The following ZNF827 variants were observed in gnomAD, a reference collection of about 807,000 sequenced individuals.
ZNF827 encodes the protein zinc finger protein 827.
ZNF827 carries 13 observed loss-of-function variants against 102.4 expected under a neutral mutation model. The ratio of observed to expected loss-of-function variants is 0.13; its 90% CI spans 0.08 to 0.20. The LOEUF is 0.20. Ranked by LOEUF, ZNF827 falls within the 10% of genes least tolerant of loss-of-function variation. The pLI, the probability that ZNF827 is intolerant of heterozygous loss-of-function variation, is 1.00. For missense variants in ZNF827, 1,103 were observed against 1,344.4 expected, an observed-to-expected ratio of 0.82 and a Z score of 2.81; for synonymous variants, 523 against 536.2, an observed-to-expected ratio of 0.98 and a Z score of 0.34.
chr4:145,909,590 G>A (rs1432292501), intron 1 of ZNF827, among the ~76,000 whole-genome samples: 3 of 152,206 alleles, frequency 2.0e-5, no homozygotes, highest in African/African-American at 7.2e-5. Context: ...CTGAAGCCAG[G>A]GGGCGGGTTC....
intron 11 of ZNF827, among the ~76,000 whole-genome samples, chr4:145,773,904 A>G (rs1305575568): frequency 6.6e-6 from 1 of 152,160 alleles, no homozygotes; most frequent in Non-Finnish European, 1.5e-5. Context: ...AGAAAGGTTC[A>G]AAGCTCTGCC....
At chr4:145,845,889 T>C in intron 7 of ZNF827, 67 bp downstream of exon 7, 1 of 1,541,228 alleles carries the variant, frequency 6.5e-7, no homozygotes, top group South Asian at 1.1e-5. Context: ...GGAGCAACGT[T>C]CAACATGTAG....
chr4:145,768,641 A>C (rs921260302), intron 11 of ZNF827, among the ~76,000 whole-genome samples: 3 of 151,284 alleles, frequency 2.0e-5, no homozygotes, highest in African/African-American at 4.9e-5. Flanking sequence ...ATTATCTTCA[A>C]ATCAGTTCAT....
chr4:145,874,565 C>T (rs189995551), intron 4 of ZNF827, among the ~76,000 whole-genome samples: 11 of 152,168 alleles, frequency 7.2e-5, no homozygotes, highest in African/African-American at 2.4e-4. Context: ...TCCCACTTTA[C>T]AAAAAAACCC....
rs1751549589 is a variant in ZNF827, at chr4:145,902,974, C to T, written c.285G>A (p.Leu95=). The change falls in exon 2 of 15, where the codon CTG becomes CTA. Residue 95 remains leucine, a synonymous_variant. Coordinates refer to ENST00000508784, the MANE Select transcript of ZNF827 (RefSeq NM_001306215.2). This position sits in a 1 kb window ranked among gnomAD's most constrained non-coding sequence, Gnocchi z 4.3. ...ALDSEVLRDS[L]QCQDHLSPGV... ...CCGGGGAAAGGTGATCTTGACACTG[C>T]AGTGAGTCTCGCAGGACCTCACTGT... 1.2e-6 allele frequency: 2 copies of T among 1,614,158 alleles called. No individual in the cohort carries two copies. The highest frequency in any genetic ancestry group is 1.7e-6 in the Non-Finnish European group (2 of 1,180,034).
chr4:145,821,067 G>A (rs1743095531), intron 8 of ZNF827, among the ~76,000 whole-genome samples: 1 of 152,122 alleles, frequency 6.6e-6, no homozygotes, highest in Non-Finnish European at 1.5e-5. Flanking sequence ...ATCACAATAT[G>A]GTGCATAAAA....
chr4:145,875,726 G>A (rs1222084586), intron 4 of ZNF827, among the ~76,000 whole-genome samples: 1 of 152,110 alleles, frequency 6.6e-6, no homozygotes, highest in Non-Finnish European at 1.5e-5. Context: ...ATGCTGAACT[G>A]CTCTGTGAAA....
Position 145,761,595 on chromosome 4 carries a change from G to A in ZNF827, c.*21C>T, listed in dbSNP as rs1734503675. ...GGTTGGTGGAATAAATGCAGAATGGGCACCTGCCGGGGAAAGCAACGCAAG... is the reference window on the plus strand; with the variant it reads ...GGTTGGTGGAATAAATGCAGAATGGACACCTGCCGGGGAAAGCAACGCAAG... On this transcript the variant is annotated 3_prime_UTR_variant, in exon 15 of 15. Transcript: ENST00000508784. The surrounding 1 kb of genome is among the most constrained non-coding windows in gnomAD (Gnocchi z 6.8). 3 of 1,256,566 alleles carry A rather than the reference G, an allele frequency of 2.4e-6. No individual in the cohort carries two copies. Among genetic ancestry groups the A allele is most frequent in the African/African-American group, 1.5e-5 (1 of 65,410 alleles). The allele number at this position is 1,256,566 out of a possible 1,614,324, so 77.8% of individuals were successfully genotyped here. A position where few individuals can be genotyped will look rare whatever the true frequency, so the allele number is the denominator to read the frequency against.
At position 145,902,407 on chromosome 4, in the gene ZNF827, C is replaced by T. The variant is rs558182711; in HGVS notation, c.852G>A (p.Met284Ile). The T allele has an allele frequency of 1.2e-6, 2 of 1,614,130 alleles. No individual in the cohort carries two copies. Among genetic ancestry groups the T allele is most frequent in the African/African-American group, 2.7e-5 (2 of 75,034 alleles). The stretch of plus-strand genomic sequence containing the variant: ...CCTTCAGAAGGGCCGCTGAGGAGGT[C>T]ATAGAAGCCAGGGAAAGGAAGGAGC... ...PASSFLSLASMTSSAALLKEV... is the reference protein window; with the variant it reads ...PASSFLSLASITSSAALLKEV... The change falls in exon 2 of 15, where the codon ATG (methionine) becomes ATA (isoleucine). Residue 284 changes from methionine to isoleucine, a missense_variant. Physicochemically the swap from Met to Ile is conservative, Grantham distance 10. This residue lies in a region of ZNF827 where 441 missense variants were observed against 458.6 expected (regional missense o/e 0.96). Transcript: ENST00000508784. This position sits in a 1 kb window ranked among gnomAD's most constrained non-coding sequence, Gnocchi z 4.3.
At chr4:145,822,676 G>C (rs146532978) in intron 8 of ZNF827, among the ~76,000 whole-genome samples, 1 of 152,082 alleles carries the variant, frequency 6.6e-6, no homozygotes, top group African/African-American at 2.4e-5. Flanking sequence ...TGCTAGATTG[G>C]TGGTGGGCGG....
intron 8 of ZNF827, among the ~76,000 whole-genome samples, chr4:145,796,337 C>A (rs182397996): frequency 2.0e-5 from 3 of 152,056 alleles, no homozygotes; most frequent in Admixed American, 2.0e-4. Context: ...AGGATGTACA[C>A]GAAACTGGGA....
chr4:145,778,749 T>C (rs1228168776), intron 9 of ZNF827, among the ~76,000 whole-genome samples: 1 of 152,252 alleles, frequency 6.6e-6, no homozygotes, highest in Non-Finnish European at 1.5e-5. Flanking sequence ...AAATAAGATA[T>C]ATCTGGATTA....
intron 1 of ZNF827, among the ~76,000 whole-genome samples, chr4:145,930,580 C>T (rs78706625): frequency 0.026 from 4,020 of 152,298 alleles, 168 homozygotes; most frequent in African/African-American, 0.092. Flanking sequence ...AAAACAGAAG[C>T]AAAGTGTATC....
At chr4:145,905,136 G>A (rs1284528714) in intron 1 of ZNF827, among the ~76,000 whole-genome samples, 2 of 152,190 alleles carry the variant, frequency 1.3e-5, no homozygotes, top group African/African-American at 4.8e-5. Context: ...TGCTCCTAGA[G>A]GGCAGGAATT....
At chr4:145,796,634 T>TC (rs1312874546) in intron 8 of ZNF827, among the ~76,000 whole-genome samples, 1 of 100,074 alleles carries the variant, frequency 1.0e-5, no homozygotes, top group Non-Finnish European at 2.1e-5. Flanking sequence ...TTTTTTTTTT[T>TC]TTTTTTTTTT....
At chr4:145,925,809 G>A (rs571362750) in intron 1 of ZNF827, among the ~76,000 whole-genome samples, 5 of 152,288 alleles carry the variant, frequency 3.3e-5, no homozygotes, top group South Asian at 2.1e-4. Context: ...AGAGTTCAAC[G>A]CTTCTCATCT....
At chr4:145,875,212 C>T (rs1749056008) in intron 4 of ZNF827, among the ~76,000 whole-genome samples, 1 of 152,166 alleles carries the variant, frequency 6.6e-6, no homozygotes, top group South Asian at 2.1e-4. Flanking sequence ...ACAACTAGCT[C>T]TTGAGTAATT....
chr4:145,902,443 A>G lies in ZNF827; in HGVS notation c.816T>C (p.Pro272=). Residue 272 remains proline, a synonymous_variant, in exon 2 of 15, where the codon CCT becomes CCC. Transcript: ENST00000508784. This position sits in a 1 kb window ranked among gnomAD's most constrained non-coding sequence, Gnocchi z 4.3. ...ERSLTPGQEH[P]PPASSFLSLA... is the part of the protein sequence containing the mutation. Reference sequence around the variant, plus strand: ...GGGAAAGGAAGGAGCTGGCCGGTGGAGGGTGCTCCTGACCAGGAGTCAAAC... The same window carrying G: ...GGGAAAGGAAGGAGCTGGCCGGTGGGGGGTGCTCCTGACCAGGAGTCAAAC... 2.5e-6 allele frequency: 4 copies of G among 1,614,146 alleles called. No homozygotes were observed. The highest frequency in any genetic ancestry group is 2.5e-6 in the Non-Finnish European group (3 of 1,180,036).
chr4:145,790,968 T>A (rs1163718589), intron 8 of ZNF827, among the ~76,000 whole-genome samples: 1 of 152,258 alleles, frequency 6.6e-6, no homozygotes, highest in African/African-American at 2.4e-5. Context: ...CCAGAAATCC[T>A]ACCTATTTGA....
Sources: gnomAD v4.1 joint callset for allele counts (sites outside exome capture counted in the v4.1 genomes callset) on GRCh38, gnomAD v4.1.1 for gene constraint, gnomAD v4.1.1 regional missense constraint, Gnocchi (gnomAD v3.1) non-coding constraint, MANE v1.5 for transcripts, NCBI Gene and HGNC (gene_info 2026-07-23, HGNC 2026-07-21) for gene names.